The following SPAG16 variants were observed in gnomAD, a reference collection of about 807,000 sequenced individuals.
SPAG16 encodes sperm associated antigen 16.
SPAG16 carries 86 observed loss-of-function variants against 80.4 expected under a neutral mutation model. The observed-to-expected ratio is 1.07, with a 90% CI of 0.90 to 1.28. The LOEUF is 1.28. Ranked by LOEUF, SPAG16 falls within the 50% of genes most tolerant of loss-of-function variation. The probability of loss-of-function intolerance (pLI) is 0.00; values close to 1 mark genes in which losing one functional copy is unlikely to be tolerated. For synonymous variants in SPAG16, 294 were observed against 265.9 expected (o/e 1.11, Z -1.03); for missense variants, 870 against 765.3 (o/e 1.14, Z -1.61).
At chr2:214,021,079 CA>C (rs1370479539) in intron 13 of SPAG16, among the ~76,000 whole-genome samples, 1 of 151,958 alleles carries the variant, frequency 6.6e-6, no homozygotes, top group East Asian at 1.9e-4. Flanking sequence ...CCTATTATCA[CA>C]AAAAAGGTCA....
rs762079233 is a variant in SPAG16 at position 213,797,607 on chromosome 2, C to T, written c.1071-64878C>T. Among the ~76,000 whole-genome samples the T allele has an allele frequency of 6.6e-5, 10 of 152,182 alleles. 1 individual carries two copies. The highest frequency in any genetic ancestry group is 1.5e-4 in the Non-Finnish European group (10 of 68,032). On this transcript the variant is annotated intron_variant, in intron 10 of 15. Coordinates refer to ENST00000331683, the MANE Select transcript of SPAG16 (RefSeq NM_024532.5). The stretch of plus-strand genomic sequence containing the variant: ...TATACCATCTAGGTTTGTGTAAGTA[C>T]ACTCTATTGATATACTCACAGTGAC...
At chr2:213,407,637 G>GAC (rs1196083364) in intron 9 of SPAG16, among the ~76,000 whole-genome samples, 21 of 98,898 alleles carry the variant, frequency 2.1e-4, no homozygotes, top group East Asian at 1.3e-3. Flanking sequence ...GAGAGAGAGA[G>GAC]AGACAGACAG....
chr2:214,177,109 T>A (rs2125653989), intron 15 of SPAG16, among the ~76,000 whole-genome samples: 1 of 151,338 alleles, frequency 6.6e-6, no homozygotes, highest in East Asian at 1.9e-4. Flanking sequence ...TCTCAGTATG[T>A]GAGCTTATGA....
intron 15 of SPAG16, among the ~76,000 whole-genome samples, chr2:214,277,039 A>G (rs1235237925): frequency 1.3e-5 from 2 of 151,626 alleles, no homozygotes; most frequent in Non-Finnish European, 2.9e-5. Flanking sequence ...CATTAATTTG[A>G]TCTTCAATCA....
At chr2:213,355,024 G>A (rs907129259) in intron 7 of SPAG16, among the ~76,000 whole-genome samples, 1 of 152,150 alleles carries the variant, frequency 6.6e-6, no homozygotes, top group South Asian at 2.1e-4. Flanking sequence ...TTAATCCATC[G>A]TGAATTAATT....
chr2:214,210,984 T>C (rs1231248736), intron 15 of SPAG16, among the ~76,000 whole-genome samples: 1 of 152,152 alleles, frequency 6.6e-6, no homozygotes. Flanking sequence ...TATATTTAAG[T>C]GATAAACCAA....
At chr2:214,221,121 G>A (rs2058556071) in intron 15 of SPAG16, among the ~76,000 whole-genome samples, 1 of 152,088 alleles carries the variant, frequency 6.6e-6, no homozygotes, top group Non-Finnish European at 1.5e-5. Context: ...TATTTATCAG[G>A]TTCAGGTTCT....
intron 13 of SPAG16, among the ~76,000 whole-genome samples, chr2:214,050,489 T>C (rs2049584769): frequency 6.6e-6 from 1 of 151,986 alleles, no homozygotes; most frequent in Non-Finnish European, 1.5e-5. Flanking sequence ...TTCAAGTCGC[T>C]ATATTCTTGT....
In SPAG16 at chr2:214,108,240, T is replaced by C. The variant is rs765728259; in HGVS notation, c.1572T>C (p.Asn524=). The C allele has an allele frequency of 1.2e-6, 2 of 1,602,218 alleles. No individual in the cohort carries two copies. Among genetic ancestry groups the C allele is most frequent in the South Asian group, 1.1e-5 (1 of 90,128 alleles). Residue 524 remains asparagine, a synonymous_variant, in exon 14 of 16, where the codon AAT becomes AAC. Transcript: ENST00000331683. ...QSLYGHMHSI[N]DAIFDPRGHM... Reference sequence around the variant, plus strand: ...TTTATGGTCACATGCATTCTATCAATGATGCCATTTTTGATCCCAGGGTAA... The same window carrying C: ...TTTATGGTCACATGCATTCTATCAACGATGCCATTTTTGATCCCAGGGTAA...
chr2:213,996,035 T>A (rs184866766), intron 12 of SPAG16, among the ~76,000 whole-genome samples: 3 of 152,332 alleles, frequency 2.0e-5, no homozygotes, highest in East Asian at 1.9e-4. Flanking sequence ...TAGAGTTTCA[T>A]AAAAGATGAG....
rs36181178 is a variant in SPAG16, at chr2:214,057,178, CTTTTT to C, written c.1527+43115_1527+43119del. 2.4e-4 allele frequency among the ~76,000 whole-genome samples: 34 copies of C among 144,548 alleles called. 1 individual carries two copies. The highest frequency in any genetic ancestry group is 7.1e-3 in the Middle Eastern group (2 of 280). The allele number at this position is 144,548 out of a possible 152,430, so 94.8% of individuals were successfully genotyped here. A position where few individuals can be genotyped will look rare whatever the true frequency, so the allele number is the denominator to read the frequency against. ...TCCTTTCCAGAAGGTTTTCAGTTTACTTTTTTTTTTTTTTTTTTACCTTTTCAAGA... is the reference window on the plus strand; with the variant it reads ...TCCTTTCCAGAAGGTTTTCAGTTTACTTTTTTTTTTTTTACCTTTTCAAGA... On this transcript the variant is annotated intron_variant, in intron 13 of 15. Coordinates refer to ENST00000331683, the MANE Select transcript of SPAG16 (RefSeq NM_024532.5).
At chr2:213,888,685 A>C (rs1460747626) in intron 11 of SPAG16, among the ~76,000 whole-genome samples, 1 of 151,898 alleles carries the variant, frequency 6.6e-6, no homozygotes, top group East Asian at 1.9e-4. Context: ...ATTTACTCCT[A>C]ACCTTTTCTT....
intron 10 of SPAG16, among the ~76,000 whole-genome samples, chr2:213,602,060 C>T (rs1170804435): frequency 2.0e-5 from 3 of 152,328 alleles, no homozygotes; most frequent in Non-Finnish European, 2.9e-5. Context: ...ACTGATCTGA[C>T]AGGAAGCGGA....
At chr2:213,658,089 G>A (rs182874886) in intron 10 of SPAG16, among the ~76,000 whole-genome samples, 1 of 146,844 alleles carries the variant, frequency 6.8e-6, no homozygotes, top group East Asian at 1.9e-4. Flanking sequence ...ACACAATTCT[G>A]CTATGAGGAG....
chr2:213,971,876 T>G (rs925812317), intron 12 of SPAG16, among the ~76,000 whole-genome samples: 1 of 151,576 alleles, frequency 6.6e-6, no homozygotes, highest in Non-Finnish European at 1.5e-5. Flanking sequence ...TTCTTGTTTT[T>G]TGGTTTTTTT....
intron 15 of SPAG16, among the ~76,000 whole-genome samples, chr2:214,263,634 C>T (rs763363604): frequency 1.3e-5 from 2 of 152,102 alleles, no homozygotes; most frequent in Admixed American, 6.5e-5. Flanking sequence ...AAAAGGTAAT[C>T]CAAGATCTTT....
At chr2:213,650,811 G>A (rs1017858170) in intron 10 of SPAG16, among the ~76,000 whole-genome samples, 2 of 152,140 alleles carry the variant, frequency 1.3e-5, no homozygotes, top group Non-Finnish European at 2.9e-5. Context: ...GGAATTCAGG[G>A]ATTCAATCTT....
chr2:213,894,980 T>C (rs1575481494), intron 11 of SPAG16, among the ~76,000 whole-genome samples: 1 of 60,546 alleles, frequency 1.7e-5, no homozygotes, highest in African/African-American at 6.9e-5. Context: ...AGAACAAGGC[T>C]CCATCTCAAA....
At chr2:213,616,720 GT>G (rs2061609400) in intron 10 of SPAG16, among the ~76,000 whole-genome samples, 1 of 152,056 alleles carries the variant, frequency 6.6e-6, no homozygotes, top group South Asian at 2.1e-4. Context: ...GATGGTTTTT[GT>G]TTTTCACTCT....
Sources: allele counts gnomAD v4.1 joint callset (sites outside exome capture counted in the v4.1 genomes callset), GRCh38; gene constraint gnomAD v4.1.1; transcripts MANE v1.5; gene names NCBI Gene and HGNC (gene_info 2026-07-23, HGNC 2026-07-21).